Variants in ARPC3 observed in about 807,000 individuals in gnomAD.
ARPC3 encodes actin-related protein 2/3 complex subunit 3.
In ARPC3, 12 loss-of-function variants were observed where a neutral mutation model predicts 27.6. That is an observed-to-expected ratio of 0.43 (90% confidence interval 0.28 to 0.70). The LOEUF (loss-of-function observed/expected upper bound fraction) is 0.70. ARPC3 is among the 30% of genes least tolerant of loss of function. ARPC3 has a pLI of 0.17. For missense variants in ARPC3, 153 were observed against 207.7 expected, an observed-to-expected ratio of 0.74 and a Z score of 1.62; for synonymous variants, 53 against 67.2, an observed-to-expected ratio of 0.79 and a Z score of 1.03.
intron 1 of ARPC3, among the ~76,000 whole-genome samples, chr12:110,445,868 C>T (rs534964860): frequency 6.6e-6 from 1 of 152,260 alleles, no homozygotes; most frequent in African/African-American, 2.4e-5. Context: ...CTTTGGGAGG[C>T]TGAGGCAGGC....
chr12:110,445,699 G>T, intron 1 of ARPC3, 148 bp from the exon 2 acceptor site: 1 of 688,552 alleles, frequency 1.5e-6, no homozygotes, highest in Non-Finnish European at 2.6e-6. Flanking sequence ...AGGTGCGAGG[G>T]CTGGTTCTTT....
chr12:110,442,345 C>T (rs1395611285), intron 2 of ARPC3, among the ~76,000 whole-genome samples: 2 of 152,186 alleles, frequency 1.3e-5, no homozygotes, highest in African/African-American at 4.8e-5. Flanking sequence ...CAGTGGCTCA[C>T]GCCTGTAGTC....
intron 3 of ARPC3, among the ~76,000 whole-genome samples, chr12:110,437,804 A>G (rs1334314449): frequency 6.6e-6 from 1 of 152,176 alleles, no homozygotes; most frequent in African/African-American, 2.4e-5. Context: ...ATGGTTGGCT[A>G]ATTTTTAAAA....
Position 110,445,551 on chromosome 12 carries a change from C to T in ARPC3, c.7G>A (p.Ala3Thr), listed in dbSNP as rs763570239. MP[A>T]YHSSLMDPDT... ...GGATCCATGAGAGAAGAGTGGTAAG[C>T]CTGTAATGGCAAGCCCAGGAAGAAC... Residue 3 changes from alanine to threonine, a missense_variant and splice_region_variant, in exon 2 of 7, where the codon GCT (alanine) becomes ACT (threonine). By Grantham distance (58) the Ala-to-Thr change is moderately conservative (BLOSUM62 0). Transcript: ENST00000228825. 14 of 1,599,876 alleles carry T rather than the reference C, an allele frequency of 8.8e-6. No homozygotes were observed. In the South Asian group the frequency reaches 1.5e-4, roughly 18 times the overall value.
chr12:110,438,871 G>A (rs570866016), intron 3 of ARPC3, among the ~76,000 whole-genome samples: 1 of 151,744 alleles, frequency 6.6e-6, no homozygotes, highest in Admixed American at 6.6e-5. Context: ...TCAAGCTCCC[G>A]ACCTCAGGTG....
rs1387061335 is a variant in ARPC3, at chr12:110,437,168, G to A, written c.184-16C>T. ...CAGCTTCATTCTACAGGGAGAAAAAGAAGACTTAAAAACAGTTATCAAAAC... is the reference window on the plus strand; with the variant it reads ...CAGCTTCATTCTACAGGGAGAAAAAAAAGACTTAAAAACAGTTATCAAAAC... On this transcript the variant is annotated splice_polypyrimidine_tract_variant and intron_variant, in intron 3 of 6. Coordinates refer to ENST00000228825, the MANE Select transcript of ARPC3 (RefSeq NM_001278556.2). The A allele has an allele frequency of 1.3e-6, 2 of 1,529,242 alleles. No individual in the cohort carries two copies. The highest frequency in any genetic ancestry group is 1.7e-5 in the Admixed American group (1 of 59,838). The allele number at this position is 1,529,242 out of a possible 1,614,324, so 94.7% of individuals were successfully genotyped here. A position where few individuals can be genotyped will look rare whatever the true frequency, so the allele number is the denominator to read the frequency against.
chr12:110,436,741 CACACACACACACAT>C, intron 4 of ARPC3, 58 bp from the exon 5 acceptor site: 1 of 1,108,624 alleles, frequency 9.0e-7, no homozygotes, highest in Non-Finnish European at 1.3e-6. Context: ...CACACACACA[CACACACACACACAT>C]ATTTTACAGG....
chr12:110,435,328 T>TC (rs1592949337), intron 6 of ARPC3, 111 bp from the exon 7 acceptor site: 2 of 898,464 alleles, frequency 2.2e-6, no homozygotes, highest in East Asian at 5.3e-5. Flanking sequence ...TAAACTTTTT[T>TC]TTTTTTTTTT....
At chr12:110,444,217 C>A (rs1427086932) in intron 2 of ARPC3, among the ~76,000 whole-genome samples, 1 of 151,976 alleles carries the variant, frequency 6.6e-6, no homozygotes, top group Non-Finnish European at 1.5e-5. Flanking sequence ...GTGATCCACC[C>A]ACCTCGACCT....
rs756863129 is a variant in ARPC3 at position 110,435,225 on chromosome 12, G to C, written c.475-8C>G. On this transcript the variant is annotated splice_polypyrimidine_tract_variant and splice_region_variant and intron_variant, in intron 6 of 6. Coordinates refer to ENST00000228825, the MANE Select transcript of ARPC3 (RefSeq NM_001278556.2). ...CACAAAGCAAGTCCACCACTAACAAGAGAGAACAACACAGAATGAACAGCG... is the reference window on the plus strand; with the variant it reads ...CACAAAGCAAGTCCACCACTAACAACAGAGAACAACACAGAATGAACAGCG... 6.2e-7 allele frequency: 1 copy of C among 1,610,150 alleles called. No individual in the cohort carries two copies. Among genetic ancestry groups the C allele is most frequent in the Non-Finnish European group, 8.5e-7 (1 of 1,176,512 alleles).
intron 6 of ARPC3, among the ~76,000 whole-genome samples, chr12:110,435,636 C>A (rs527582793): frequency 6.8e-6 from 1 of 146,188 alleles, no homozygotes; most frequent in South Asian, 2.2e-4. Flanking sequence ...GGCCATAAAC[C>A]CTTTTTAGAC....
At chr12:110,448,863 C>T (rs578208860) in intron 1 of ARPC3, among the ~76,000 whole-genome samples, 44 of 150,860 alleles carry the variant, frequency 2.9e-4, no homozygotes, top group Admixed American at 1.7e-3. Flanking sequence ...GCAACCTCCG[C>T]CTCCTGGGTT....
At position 110,450,324 on chromosome 12, in the gene ARPC3, C is replaced by G. The variant is rs1051020170; in HGVS notation, c.-64G>C. 1 of 1,610,566 alleles carries G rather than the reference C, an allele frequency of 6.2e-7. No homozygotes were observed. Among genetic ancestry groups the G allele is most frequent in the African/African-American group, 1.3e-5 (1 of 74,878 alleles). ...CCAGGTACAGCGGAGCGCTTCCGGTCTGGCAGCCTGGGCGAGGTAGGCGGA... is the reference window on the plus strand; with the variant it reads ...CCAGGTACAGCGGAGCGCTTCCGGTGTGGCAGCCTGGGCGAGGTAGGCGGA... On this transcript the variant is annotated 5_prime_UTR_variant, in exon 1 of 7. Transcript: ENST00000228825.
chr12:110,448,346 C>G (rs1433863225), intron 1 of ARPC3, among the ~76,000 whole-genome samples: 1 of 152,110 alleles, frequency 6.6e-6, no homozygotes, highest in Non-Finnish European at 1.5e-5. Context: ...TACCCCAGAG[C>G]TCAGGAGTCA....
intron 1 of ARPC3, among the ~76,000 whole-genome samples, chr12:110,446,469 G>T (rs1413848371): frequency 6.8e-6 from 1 of 147,360 alleles, no homozygotes; most frequent in Non-Finnish European, 1.5e-5. Context: ...AGCTAATTTT[G>T]TATTTTTGGT....
chr12:110,439,381 A>G (rs938634309), intron 3 of ARPC3, among the ~76,000 whole-genome samples: 2 of 152,202 alleles, frequency 1.3e-5, no homozygotes, highest in Non-Finnish European at 2.9e-5. Flanking sequence ...TGTAACATTT[A>G]TAACTGTTAC....
At chr12:110,439,185 TTTGTTGGC>T (rs1175540402) in intron 3 of ARPC3, among the ~76,000 whole-genome samples, 15 of 150,704 alleles carry the variant, frequency 1.0e-4, no homozygotes, top group Non-Finnish European at 1.5e-5. Flanking sequence ...GGGGTTTCGC[TTTGTTGGC>T]CAGGCTGGTC....
At chr12:110,447,091 C>A (rs539197489) in intron 1 of ARPC3, among the ~76,000 whole-genome samples, 6 of 152,260 alleles carry the variant, frequency 3.9e-5, no homozygotes, top group African/African-American at 1.2e-4. Context: ...TCAGGGTACC[C>A]AGCCCCCAGC....
intron 4 of ARPC3, 97 bp from the exon 5 acceptor site, chr12:110,436,780 T>C: frequency 2.9e-6 from 3 of 1,043,700 alleles, no homozygotes; most frequent in Non-Finnish European, 4.1e-6. Context: ...AGAAGAATTC[T>C]ATCCTTGGAC....
Sources: gnomAD v4.1 joint callset for allele counts (sites outside exome capture counted in the v4.1 genomes callset) on GRCh38, gnomAD v4.1.1 for gene constraint, MANE v1.5 for transcripts, NCBI Gene and HGNC (gene_info 2026-07-23, HGNC 2026-07-21) for gene names.